Variants in FGFR2 observed in about 807,000 individuals in gnomAD.
FGFR2 encodes fibroblast growth factor receptor 2, also known as BEK fibroblast growth factor receptor.
A neutral mutation model predicts 95.9 loss-of-function variants in FGFR2; 19 were observed. The observed-to-expected ratio is 0.20, with a 90% CI of 0.14 to 0.29. The LOEUF (loss-of-function observed/expected upper bound fraction) is 0.29. Ranked by LOEUF, FGFR2 falls within the 10% of genes least tolerant of loss-of-function variation. The pLI, the probability that FGFR2 is intolerant of heterozygous loss-of-function variation, is 1.00. For missense variants in FGFR2, 707 were observed against 1,056.9 expected (o/e 0.67, Z 4.59); for synonymous variants, 392 against 393.3 (o/e 1.00, Z 0.04).
At chr10:121,487,866 G>C in intron 14 of FGFR2, 125 bp downstream of exon 14, 2 of 1,193,142 alleles carry the variant, frequency 1.7e-6, no homozygotes, top group South Asian at 2.6e-5. Flanking sequence ...AAAAGAACGG[G>C]AATCGGGGCA....
chr10:121,572,838 A>G (rs4237533), intron 2 of FGFR2, among the ~76,000 whole-genome samples: 70,747 of 152,008 alleles, frequency 0.47, 17,102 homozygotes, highest in Non-Finnish European at 0.54. Flanking sequence ...GACATCACAC[A>G]GAGTGCCACT....
intron 17 of FGFR2, among the ~76,000 whole-genome samples, chr10:121,480,838 T>A (rs1246188821): frequency 6.6e-6 from 1 of 152,122 alleles, no homozygotes; most frequent in Non-Finnish European, 1.5e-5. Flanking sequence ...GGGTGACACT[T>A]CCTCCGACTT....
At chr10:121,545,195 A>G (rs1281086210) in intron 5 of FGFR2, among the ~76,000 whole-genome samples, 1 of 152,232 alleles carries the variant, frequency 6.6e-6, no homozygotes, top group East Asian at 1.9e-4. Flanking sequence ...AAAGAACAGC[A>G]TCATATCCCC....
chr10:121,505,082 T>C (rs962504464), intron 9 of FGFR2, among the ~76,000 whole-genome samples: 2 of 152,204 alleles, frequency 1.3e-5, no homozygotes, highest in Admixed American at 6.5e-5. Flanking sequence ...ACGCCTTCAA[T>C]CACACTGGCA....
Position 121,592,755 on chromosome 10 carries a change from G to C in FGFR2, c.109+954C>G, listed in dbSNP as rs367648478. On this transcript the variant is annotated intron_variant, in intron 2 of 17. Coordinates refer to ENST00000358487, the MANE Select transcript of FGFR2 (RefSeq NM_000141.5). ...GCTCAGCTTACCCCAGACACCACTCGGACTGCTGCGGGTTCCTAAAGCCAG... is the reference window on the plus strand; with the variant it reads ...GCTCAGCTTACCCCAGACACCACTCCGACTGCTGCGGGTTCCTAAAGCCAG... Among the ~76,000 whole-genome samples, 5 of 152,234 alleles carry C rather than the reference G, an allele frequency of 3.3e-5. No individual in the cohort carries two copies. The East Asian group carries it at 9.7e-4, about 29-fold the overall frequency.
chr10:121,546,239 C>T lies in FGFR2; in HGVS notation c.624+5051G>A, dbSNP rs185443590. ...TGTTTAAGAAGAGAAATGGCTGATG[C>T]TACACGATGGTGATACTATTAAATT... On this transcript the variant is annotated intron_variant, in intron 5 of 17. Coordinates refer to ENST00000358487, the MANE Select transcript of FGFR2 (RefSeq NM_000141.5). Among the ~76,000 whole-genome samples the T allele has an allele frequency of 1.9e-4, 28 of 148,222 alleles. No homozygotes were observed. The East Asian group carries it at 4.9e-3, about 26-fold the overall frequency.
intron 1 of FGFR2, chr10:121,594,250 T>C (rs1470128754): frequency 2.6e-6 from 1 of 383,570 alleles, no homozygotes; most frequent in African/African-American, 2.0e-5. Flanking sequence ...AGTGAGGCAA[T>C]GTGTGCTCTC....
chr10:121,580,670 T>C (rs926619910), intron 2 of FGFR2, among the ~76,000 whole-genome samples: 3 of 152,096 alleles, frequency 2.0e-5, no homozygotes, highest in African/African-American at 7.2e-5. Flanking sequence ...CTCCTGTGTT[T>C]TGCAGAGGAA....
intron 1 of FGFR2, among the ~76,000 whole-genome samples, chr10:121,595,052 T>G (rs1311209462): frequency 3.3e-5 from 5 of 152,134 alleles, no homozygotes; most frequent in African/African-American, 9.7e-5. Context: ...TGCACAAACT[T>G]TAGAGAATGA....
intron 5 of FGFR2, among the ~76,000 whole-genome samples, chr10:121,550,156 A>C (rs1855154839): frequency 6.6e-6 from 1 of 151,582 alleles, no homozygotes; most frequent in Non-Finnish European, 1.5e-5. Context: ...TCCTTTCCTG[A>C]CCTCCTTTCT....
intron 2 of FGFR2, among the ~76,000 whole-genome samples, chr10:121,571,981 CT>C (rs1564714737): frequency 6.0e-5 from 9 of 151,038 alleles, no homozygotes; most frequent in Non-Finnish European, 1.3e-4. Flanking sequence ...TGTTTTGATA[CT>C]TTAAAAATGA....
At chr10:121,508,229 C>A (rs1445711057) in intron 9 of FGFR2, among the ~76,000 whole-genome samples, 4 of 152,192 alleles carry the variant, frequency 2.6e-5, no homozygotes, top group Non-Finnish European at 5.9e-5. Context: ...TAAAGGCTGA[C>A]TGCAGAAGAT....
intron 5 of FGFR2, among the ~76,000 whole-genome samples, chr10:121,540,018 C>T (rs1310615327): frequency 6.6e-6 from 1 of 152,166 alleles, no homozygotes; most frequent in East Asian, 1.9e-4. Context: ...GCCATGACTG[C>T]AGGGTGGAGG....
chr10:121,581,501 G>A (rs1860855093), intron 2 of FGFR2, among the ~76,000 whole-genome samples: 1 of 56,886 alleles, frequency 1.8e-5, no homozygotes, highest in Non-Finnish European at 6.6e-5. Flanking sequence ...CACTCTGGGA[G>A]GCCAAGGTGG....
At chr10:121,564,412 C>A in intron 4 of FGFR2, 90 bp downstream of exon 4, 1 of 1,207,062 alleles carries the variant, frequency 8.3e-7, no homozygotes, top group Non-Finnish European at 1.2e-6. Context: ...CACAGCATGG[C>A]GCAGAAGAGT....
intron 4 of FGFR2, among the ~76,000 whole-genome samples, chr10:121,560,450 T>TA (rs1177091185): frequency 6.6e-6 from 1 of 151,278 alleles, no homozygotes; most frequent in Non-Finnish European, 1.5e-5. Flanking sequence ...CCATCTCTAC[T>TA]AAAAAATACA....
chr10:121,588,730 G>A (rs1004288043), intron 2 of FGFR2, among the ~76,000 whole-genome samples: 30 of 151,758 alleles, frequency 2.0e-4, no homozygotes, highest in Non-Finnish European at 2.8e-4. Context: ...GCAACATGGC[G>A]AAACCCCATA....
At position 121,546,838 on chromosome 10, in the gene FGFR2, A is replaced by G. The variant is rs540280609; in HGVS notation, c.624+4452T>C. 1.7e-3 allele frequency among the ~76,000 whole-genome samples: 252 copies of G among 152,370 alleles called. 1 individual carries two copies. Among genetic ancestry groups the G allele is most frequent in the African/African-American group, 5.8e-3 (240 of 41,598 alleles). On this transcript the variant is annotated intron_variant, in intron 5 of 17. Coordinates refer to ENST00000358487, the MANE Select transcript of FGFR2 (RefSeq NM_000141.5). ...TAAAGGAAAAAGAAAAATTGCAGAA[A>G]TAACACACATTTGTTTGAAGAAGTT...
At chr10:121,589,256 T>C (rs1427406389) in intron 2 of FGFR2, among the ~76,000 whole-genome samples, 2 of 152,162 alleles carry the variant, frequency 1.3e-5, no homozygotes, top group Non-Finnish European at 2.9e-5. Flanking sequence ...TTTTTAACAA[T>C]TACCCTGGCT....
Sources: gnomAD v4.1 joint callset for allele counts (sites outside exome capture counted in the v4.1 genomes callset) on GRCh38, gnomAD v4.1.1 for gene constraint, MANE v1.5 for transcripts, NCBI Gene and HGNC (gene_info 2026-07-23, HGNC 2026-07-21) for gene names.